CACHD1: variants seen among roughly 807,000 people sequenced by gnomAD.
CACHD1 encodes the protein cache domain containing 1, also known as VWFA and cache domain-containing protein 1.
A neutral mutation model predicts 138.7 loss-of-function variants in CACHD1; 71 were observed. That is an observed-to-expected ratio of 0.51 (90% CI 0.42 to 0.62). CACHD1 has a LOEUF of 0.62. CACHD1 is among the 20% of genes least tolerant of loss of function. CACHD1 has a pLI of 0.00. For missense variants in CACHD1, 1,389 were observed against 1,625.3 expected, an observed-to-expected ratio of 0.85 and a Z score of 2.50; for synonymous variants, 578 against 591.5, an observed-to-expected ratio of 0.98 and a Z score of 0.33.
rs114182825 is a variant in CACHD1, at chr1:64,509,776, C to T, written c.198+38834C>T. ...TAATATTGTGACATTTGCATCCCTT[C>T]TCAGTTTATTAACAATAGGAGAGAT... On this transcript the variant is annotated intron_variant, in intron 1 of 26. Transcript: ENST00000651257. 7.0e-3 allele frequency among the ~76,000 whole-genome samples: 1,070 copies of T among 152,250 alleles called. 5 individuals carry two copies. Among genetic ancestry groups the T allele is most frequent in the Non-Finnish European group, 9.0e-3 (611 of 68,016 alleles).
intron 1 of CACHD1, among the ~76,000 whole-genome samples, chr1:64,513,172 T>A (rs1015429620): frequency 2.0e-5 from 3 of 152,208 alleles, no homozygotes; most frequent in African/African-American, 7.2e-5. Flanking sequence ...TTTCCCAACC[T>A]TAACACAAAT....
intron 1 of CACHD1, among the ~76,000 whole-genome samples, chr1:64,510,717 G>C (rs1570317279): frequency 6.6e-6 from 1 of 151,980 alleles, no homozygotes; most frequent in Admixed American, 6.6e-5. Context: ...TTTTTAAATT[G>C]CCAAAACCAG....
chr1:64,486,352 A>T (rs115095104), intron 1 of CACHD1, among the ~76,000 whole-genome samples: 1 of 99,612 alleles, frequency 1.0e-5, no homozygotes, highest in Non-Finnish European at 2.0e-5. Flanking sequence ...GAGCGCGCGC[A>T]CACACACACA....
intron 25 of CACHD1, among the ~76,000 whole-genome samples, 187 bp downstream of exon 25, chr1:64,681,522 T>C (rs183990538): frequency 2.9e-4 from 43 of 148,300 alleles, no homozygotes; most frequent in Admixed American, 6.8e-4. Context: ...TTTTAGAGAA[T>C]CTCAAAAGAT....
chr1:64,505,367 T>C (rs546604296), intron 1 of CACHD1, among the ~76,000 whole-genome samples: 42 of 150,898 alleles, frequency 2.8e-4, no homozygotes, highest in African/African-American at 1.0e-3. Context: ...ACTGTCACTA[T>C]GCTGCGAGGT....
At chr1:64,505,610 C>T in intron 1 of CACHD1, among the ~76,000 whole-genome samples, 1 of 136,526 alleles carries the variant, frequency 7.3e-6, no homozygotes, top group East Asian at 2.3e-4. Context: ...TGGGCACACC[C>T]TATGCCGCCG....
chr1:64,629,749 C>T (rs544722652), intron 5 of CACHD1, among the ~76,000 whole-genome samples: 1 of 152,004 alleles, frequency 6.6e-6, no homozygotes, highest in Admixed American at 6.6e-5. Context: ...TGTGAAGCAC[C>T]TAGAGTGTTT....
chr1:64,499,847 G>A (rs1186732542), intron 1 of CACHD1, among the ~76,000 whole-genome samples: 1 of 152,108 alleles, frequency 6.6e-6, no homozygotes, highest in Non-Finnish European at 1.5e-5. Flanking sequence ...ATTATAGTGG[G>A]TGTTCTTTAC....
chr1:64,509,852 G>A (rs1646406086), intron 1 of CACHD1, among the ~76,000 whole-genome samples: 1 of 152,178 alleles, frequency 6.6e-6, no homozygotes, highest in Admixed American at 6.5e-5. Flanking sequence ...ACTCCTAGAT[G>A]TATTTTGTCT....
At chr1:64,585,602 G>A (rs1287546560) in intron 3 of CACHD1, among the ~76,000 whole-genome samples, 2 of 152,170 alleles carry the variant, frequency 1.3e-5, no homozygotes. Context: ...GCTTGGGGTG[G>A]ATATTGGAAA....
chr1:64,521,858 C>G (rs1274781477), intron 1 of CACHD1, among the ~76,000 whole-genome samples: 1 of 152,100 alleles, frequency 6.6e-6, no homozygotes, highest in African/African-American at 2.4e-5. Context: ...TTTATATAGT[C>G]TAGATACAAG....
intron 1 of CACHD1, among the ~76,000 whole-genome samples, chr1:64,493,642 C>G (rs989295513): frequency 1.3e-5 from 2 of 152,158 alleles, no homozygotes; most frequent in Non-Finnish European, 2.9e-5. Flanking sequence ...ACGGCTCAAC[C>G]CAGGGGTTGT....
intron 2 of CACHD1, among the ~76,000 whole-genome samples, chr1:64,581,832 C>A (rs1457512281): frequency 6.6e-6 from 1 of 152,224 alleles, no homozygotes; most frequent in Non-Finnish European, 1.5e-5. Flanking sequence ...TGCCCACTGT[C>A]ATGCTGACAA....
chr1:64,477,402 G>A lies in CACHD1; in HGVS notation c.198+6460G>A, dbSNP rs145787066. ...ATGCTTGGGGCTTTCTGAAGAAAAT[G>A]CTAGACCTGGCTAGTCATAGTTATT... is the stretch of plus-strand genomic sequence containing the variant. On this transcript the variant is annotated intron_variant, in intron 1 of 26. Coordinates refer to ENST00000651257, the MANE Select transcript of CACHD1 (RefSeq NM_020925.4). Among the ~76,000 whole-genome samples, 1,204 of 152,196 alleles carry A rather than the reference G, an allele frequency of 7.9e-3. 10 individuals carry two copies. The highest frequency in any genetic ancestry group is 0.029 in the Admixed American group (440 of 15,282).
chr1:64,535,331 T>TTTG (rs1488579388), intron 1 of CACHD1, among the ~76,000 whole-genome samples: 4 of 151,642 alleles, frequency 2.6e-5, no homozygotes, highest in African/African-American at 9.7e-5. Context: ...TGGAGGGTTT[T>TTTG]TTTTTTTTTT....
chr1:64,628,534 G>T (rs1005978934), intron 4 of CACHD1, among the ~76,000 whole-genome samples: 1 of 152,188 alleles, frequency 6.6e-6, no homozygotes, highest in East Asian at 1.9e-4. Context: ...CGTGGGACAG[G>T]ATTGCACACA....
chr1:64,689,428 C>T (rs1453611070), intron 26 of CACHD1, among the ~76,000 whole-genome samples: 1 of 152,292 alleles, frequency 6.6e-6, no homozygotes, highest in East Asian at 1.9e-4. Context: ...TTGCCTCCAC[C>T]ACTGAGATAG....
intron 4 of CACHD1, among the ~76,000 whole-genome samples, chr1:64,626,583 T>A (rs920100113): frequency 3.8e-4 from 58 of 152,234 alleles, no homozygotes; most frequent in African/African-American, 1.4e-3. Context: ...CTTCCTGTCT[T>A]GCTAATTGAG....
At position 64,629,437 on chromosome 1, in the gene CACHD1, A is replaced by T. The variant is rs1052947521; in HGVS notation, c.600A>T (p.Pro200=). The change falls in exon 5 of 27, where the codon CCA becomes CCT. Residue 200 remains proline (P), a synonymous_variant. Coordinates refer to ENST00000651257, the MANE Select transcript of CACHD1 (RefSeq NM_020925.4). The part of the protein sequence containing the change: ...SSEEGIFTVF[P]AHKFRCKGSY... ...AAGAAGGAATTTTCACTGTTTTCCC[A>T]GCACACAAGTTCCGGTGTAAGGGCA... 1.2e-6 allele frequency: 2 copies of T among 1,614,188 alleles called. No individual in the cohort carries two copies. The highest frequency in any genetic ancestry group is 2.2e-5 in the South Asian group (2 of 91,084).
Sources: allele counts gnomAD v4.1 joint callset (sites outside exome capture counted in the v4.1 genomes callset), GRCh38; gene constraint gnomAD v4.1.1; transcripts MANE v1.5; gene names NCBI Gene and HGNC (gene_info 2026-07-23, HGNC 2026-07-21).